TBC1D17: variants seen among roughly 807,000 people sequenced by gnomAD.
The protein encoded by TBC1D17 is TBC1 domain family member 17, also known as TBC1 domain family, member 17.
TBC1D17 carries 69 observed loss-of-function variants against 78.8 expected under a neutral mutation model. The ratio of observed to expected loss-of-function variants is 0.88; its 90% CI spans 0.72 to 1.07. The LOEUF (loss-of-function observed/expected upper bound fraction) is 1.07, where lower values mean the gene tolerates loss of function less well. Among genes scored for constraint, TBC1D17 ranks in the 50% least tolerant of loss-of-function variants. The pLI is 0.00. For synonymous variants in TBC1D17, 456 were observed against 358.3 expected, an observed-to-expected ratio of 1.27 and a Z score of -3.08; for missense variants, 957 against 861.0, an observed-to-expected ratio of 1.11 and a Z score of -1.39.
chr19:49,887,996 G>A (rs1184314912), intron 15 of TBC1D17, 162 bp downstream of exon 15: 2 of 902,208 alleles, frequency 2.2e-6, no homozygotes, highest in African/African-American at 3.3e-5. Flanking sequence ...TCTGCCCCAT[G>A]CCATGCCTGC....
At chr19:49,887,380 G>A (rs1568678597) in intron 13 of TBC1D17, 96 bp from the exon 14 acceptor site, 1 of 1,304,926 alleles carries the variant, frequency 7.7e-7, no homozygotes, top group Non-Finnish European at 1.1e-6. Context: ...TAAGTCACTT[G>A]CCTAGACTTG....
Position 49,887,716 on chromosome 19 carries a change from A to G in TBC1D17, c.1543-2A>G, listed in dbSNP as rs775304932. ...CTCCCTCCCTCTGTCCCGCACCCTC[A>G]GGTGCTGTGGACAGGGCTCCCTGGC... On this transcript the variant is annotated splice_acceptor_variant, in intron 14 of 16. Coordinates refer to ENST00000221543, the MANE Select transcript of TBC1D17 (RefSeq NM_024682.3). LOFTEE classifies it high-confidence loss of function. The G allele has an allele frequency of 6.2e-7, 1 of 1,613,390 alleles. No individual in the cohort carries two copies. The highest frequency in any genetic ancestry group is 1.3e-5 in the African/African-American group (1 of 74,932).
intron 2 of TBC1D17, 106 bp downstream of exon 2, chr19:49,878,347 C>A: frequency 8.0e-7 from 1 of 1,249,690 alleles, no homozygotes; most frequent in Non-Finnish European, 1.1e-6. Flanking sequence ...AGCAGTGGGA[C>A]CTGAAGAAGG....
rs200066579 is a variant in TBC1D17 at position 49,887,878 on chromosome 19, G to A, written c.1659+44G>A. 3,218 of 1,513,824 alleles carry A rather than the reference G, an allele frequency of 2.1e-3. 6 individuals are homozygous for A. Among genetic ancestry groups the A allele is most frequent in the Non-Finnish European group, 2.7e-3 (2,992 of 1,109,080 alleles). The allele number at this position is 1,513,824 out of a possible 1,614,324, so 93.8% of individuals were successfully genotyped here. ...CCCCGCCCTGTCCCCCCTGAGCTGG[G>A]CGCTGCCCAGGGCCGCAGTACCTCC... is the stretch of plus-strand genomic sequence containing the variant. On this transcript the variant is annotated intron_variant, in intron 15 of 16. Transcript: ENST00000221543.
At chr19:49,880,825 A>C (rs1342393708) in intron 4 of TBC1D17, among the ~76,000 whole-genome samples, 1 of 152,168 alleles carries the variant, frequency 6.6e-6, no homozygotes. Context: ...GGAGCTTGGC[A>C]CTGAGGGACT....
chr19:49,885,974 CAAAAAAA>C (rs972298479), intron 13 of TBC1D17, among the ~76,000 whole-genome samples: 3 of 43,540 alleles, frequency 6.9e-5, no homozygotes, highest in African/African-American at 9.3e-5. Flanking sequence ...GACCTTGCCT[CAAAAAAA>C]AAAAAAAAAA....
At chr19:49,880,208 C>T (rs2075000957) in intron 3 of TBC1D17, 71 bp from the exon 4 acceptor site, 3 of 1,578,142 alleles carry the variant, frequency 1.9e-6, no homozygotes, top group South Asian at 2.3e-5. Flanking sequence ...ATGGGGCTAT[C>T]TTCCAGGGTA....
At position 49,887,593 on chromosome 19, in the gene TBC1D17, C is replaced by T. The variant is rs1161711776; in HGVS notation, c.1542+20C>T. 2 of 1,613,410 alleles carry T rather than the reference C, an allele frequency of 1.2e-6. No individual in the cohort carries two copies. The highest frequency in any genetic ancestry group is 2.2e-5 in the South Asian group (2 of 90,964). ...TGGGAGGTGGGCCAGCCAGTTTGGG[C>T]GAGAGGCCTGAAGGGGTGGGCTCAC... On this transcript the variant is annotated intron_variant, in intron 14 of 16. Coordinates refer to ENST00000221543, the MANE Select transcript of TBC1D17 (RefSeq NM_024682.3).
In TBC1D17 at chr19:49,887,510, C is replaced by G; in HGVS notation, c.1479C>G (p.Phe493Leu). 6.2e-7 allele frequency: 1 copy of G among 1,614,190 alleles called. No homozygotes were observed. Among genetic ancestry groups the G allele is most frequent in the Non-Finnish European group, 8.5e-7 (1 of 1,180,026 alleles). Residue 493 changes from phenylalanine (F) to leucine (L), a missense_variant, in exon 14 of 17, where the codon TTC becomes TTG. Coordinates refer to ENST00000221543, the MANE Select transcript of TBC1D17 (RefSeq NM_024682.3). The part of the protein sequence containing the change: ...SQDSGSLCFC[F>L]RWLLIWFKRE... ...ACTCCGGCTCTCTCTGCTTCTGTTT[C>G]CGGTGGCTGCTCATCTGGTTCAAGA...
At chr19:49,881,576 T>G in intron 5 of TBC1D17, 101 bp downstream of exon 5, 1 of 1,181,954 alleles carries the variant, frequency 8.5e-7, no homozygotes, top group Non-Finnish European at 1.2e-6. Context: ...TCACACTGAT[T>G]TAAAGGCAGG....
chr19:49,878,313 C>CT (rs1267339207), intron 2 of TBC1D17, 72 bp downstream of exon 2: 22 of 1,442,996 alleles, frequency 1.5e-5, no homozygotes, highest in Non-Finnish European at 2.1e-5. Context: ...CAGGCGGCAG[C>CT]TGTAGGAGTT....
Position 49,883,076 on chromosome 19 carries a change from C to T in TBC1D17, c.1031C>T (p.Thr344Met), listed in dbSNP as rs778862160. ...CACAAGGCCCACATACGCAAGAAAACGTGAGTTCTCAGGAGGCCCTGCCCT... is the reference window on the plus strand; with the variant it reads ...CACAAGGCCCACATACGCAAGAAAATGTGAGTTCTCAGGAGGCCCTGCCCT... ...EEHKAHIRKK[T>M]DEYFRMKLQW... Residue 344 changes from threonine (T) to methionine (M), a missense_variant and splice_region_variant, in exon 9 of 17, where the codon ACG (threonine) becomes ATG (methionine). Coordinates refer to ENST00000221543, the MANE Select transcript of TBC1D17 (RefSeq NM_024682.3). 1.1e-5 allele frequency: 17 copies of T among 1,604,312 alleles called. No homozygotes were observed. The highest frequency in any genetic ancestry group is 1.3e-5 in the African/African-American group (1 of 74,772).
At chr19:49,884,812 AT>A in intron 13 of TBC1D17, 54 bp downstream of exon 13, 1 of 1,519,422 alleles carries the variant, frequency 6.6e-7, no homozygotes, top group African/African-American at 1.4e-5. Context: ...ACCTTGCCAG[AT>A]TCTCTGGTAG....
At chr19:49,880,445 G>A in intron 4 of TBC1D17, 43 bp downstream of exon 4, 1 of 1,605,296 alleles carries the variant, frequency 6.2e-7, no homozygotes, top group South Asian at 1.1e-5. Flanking sequence ...TGTGGGCCAG[G>A]TAGGACACAT....
chr19:49,888,546 C>T lies in TBC1D17; in HGVS notation c.1869C>T (p.Pro623=), dbSNP rs1275499670. 6.5e-7 allele frequency: 1 copy of T among 1,537,178 alleles called. No individual in the cohort carries two copies. Among genetic ancestry groups the T allele is most frequent in the African/African-American group, 1.4e-5 (1 of 73,192 alleles). The part of the protein sequence containing the change: ...SPTRAPPTPP[P]STDTAPQPDS... ...CCCGGGCCCCGCCCACCCCGCCGCC[C>T]TCCACGGACACAGCCCCGCAGCCCG... The change falls in exon 17 of 17, where the codon CCC becomes CCT. Residue 623 remains proline, a synonymous_variant. Coordinates refer to ENST00000221543, the MANE Select transcript of TBC1D17 (RefSeq NM_024682.3).
chr19:49,881,512 C>T (rs377498016), intron 5 of TBC1D17, 37 bp downstream of exon 5: 125 of 1,586,168 alleles, frequency 7.9e-5, no homozygotes, highest in South Asian at 3.3e-4. Context: ...TAAACCGGGC[C>T]CAGTCCCACC....
At chr19:49,888,157 C>T (rs770677696) in intron 15 of TBC1D17, 74 bp from the exon 16 acceptor site, 2 of 1,547,578 alleles carry the variant, frequency 1.3e-6, no homozygotes, top group African/African-American at 1.4e-5. Context: ...TGTTTCCCAG[C>T]ACGAAGCACA....
intron 7 of TBC1D17, 152 bp downstream of exon 7, chr19:49,882,552 G>A (rs1017148560): frequency 3.7e-6 from 5 of 1,366,516 alleles, no homozygotes; most frequent in Non-Finnish European, 4.9e-6. Flanking sequence ...TCATGGCTCT[G>A]CCAGACACTG....
Position 49,887,848 on chromosome 19 carries a change from C to T in TBC1D17, c.1659+14C>T, listed in dbSNP as rs1246746055. The T allele has an allele frequency of 1.3e-6, 2 of 1,589,348 alleles. No individual in the cohort carries two copies. Among genetic ancestry groups the T allele is most frequent in the South Asian group, 2.3e-5 (2 of 88,328 alleles). ...GAGATCCTCAAGGTGAGGCTCCGGC[C>T]CCGCCCCCGCCCTGTCCCCCCTGAG... On this transcript the variant is annotated intron_variant, in intron 15 of 16. Transcript: ENST00000221543.
Sources: allele counts gnomAD v4.1 joint callset (sites outside exome capture counted in the v4.1 genomes callset), GRCh38; gene constraint gnomAD v4.1.1; transcripts MANE v1.5; gene names NCBI Gene and HGNC (gene_info 2026-07-23, HGNC 2026-07-21).